The following ATXN1 variants were observed in gnomAD, a reference collection of about 807,000 sequenced individuals.
The protein encoded by ATXN1 is ataxin-1.
In ATXN1, 8 loss-of-function variants were observed where a neutral mutation model predicts 56.4. The observed-to-expected ratio is 0.14, with a 90% CI of 0.08 to 0.26. The LOEUF is 0.26. ATXN1 is among the 10% of genes least tolerant of loss of function. The probability of loss-of-function intolerance (pLI) is 1.00; values close to 1 mark genes in which losing one functional copy is unlikely to be tolerated. For missense variants in ATXN1, 987 were observed against 1,106.5 expected (o/e 0.89, Z 1.53); for synonymous variants, 514 against 494.6 (o/e 1.04, Z -0.52).
chr6:16,308,368 A>ACG lies in ATXN1; in HGVS notation c.1918-1510_1918-1509insCG, dbSNP rs1491275467. 5.7e-4 allele frequency among the ~76,000 whole-genome samples: 80 copies of ACG among 139,710 alleles called. No individual in the cohort carries two copies. In the South Asian group the frequency reaches 0.014, roughly 24 times the overall value. The allele number at this position is 139,710 out of a possible 152,430, so 91.7% of individuals were successfully genotyped here. A position where few individuals can be genotyped will look rare whatever the true frequency, so the allele number is the denominator to read the frequency against. On this transcript the variant is annotated intron_variant, in intron 7 of 7. Transcript: ENST00000436367. Reference sequence around the variant, plus strand: ...CACACACACACACACACACACACACACTTCCTGGGTTGGATCAGGAAAAGA... The same window carrying ACG: ...CACACACACACACACACACACACACACGCTTCCTGGGTTGGATCAGGAAAAGA...
At chr6:16,438,798 A>C (rs945399913) in intron 6 of ATXN1, among the ~76,000 whole-genome samples, 1 of 152,208 alleles carries the variant, frequency 6.6e-6, no homozygotes, top group African/African-American at 2.4e-5. Flanking sequence ...GAAACTCTTA[A>C]AATAACAGAA....
At chr6:16,598,843 G>T (rs1762863981) in intron 3 of ATXN1, among the ~76,000 whole-genome samples, 1 of 152,210 alleles carries the variant, frequency 6.6e-6, no homozygotes, top group Non-Finnish European at 1.5e-5. Flanking sequence ...GTGTTCACTG[G>T]CAAGGCTGCT....
At chr6:16,688,998 ATATG>A (rs1758980098) in intron 2 of ATXN1, among the ~76,000 whole-genome samples, 1 of 151,830 alleles carries the variant, frequency 6.6e-6, no homozygotes, top group Non-Finnish European at 1.5e-5. Flanking sequence ...TATAGTATGA[ATATG>A]TGCGCATATG....
At chr6:16,663,697 C>A (rs1402248897) in intron 2 of ATXN1, among the ~76,000 whole-genome samples, 1 of 151,716 alleles carries the variant, frequency 6.6e-6, no homozygotes, top group African/African-American at 2.4e-5. Context: ...CAGGGTCTTG[C>A]TCTGTCACTT....
intron 6 of ATXN1, among the ~76,000 whole-genome samples, chr6:16,348,754 G>T (rs1305486962): frequency 2.0e-5 from 3 of 152,120 alleles, no homozygotes; most frequent in African/African-American, 7.2e-5. Flanking sequence ...TATGAGAATT[G>T]CATGGGACAA....
chr6:16,597,624 G>A (rs561671523), intron 3 of ATXN1, among the ~76,000 whole-genome samples: 4 of 152,094 alleles, frequency 2.6e-5, no homozygotes, highest in African/African-American at 7.2e-5. Flanking sequence ...ATTTTCAGTC[G>A]AGACGGGGTT....
At chr6:16,488,537 A>C (rs1760595846) in intron 5 of ATXN1, among the ~76,000 whole-genome samples, 1 of 152,198 alleles carries the variant, frequency 6.6e-6, no homozygotes, top group Non-Finnish European at 1.5e-5. Context: ...AGCAGTGGAA[A>C]TGTCATGTTC....
In ATXN1 at chr6:16,437,499, G is replaced by A. The variant is rs183208199; in HGVS notation, c.-161+48473C>T. 2.7e-3 allele frequency among the ~76,000 whole-genome samples: 407 copies of A among 152,350 alleles called. 4 individuals carry two copies. Among genetic ancestry groups the A allele is most frequent in the Admixed American group, 4.6e-3 (71 of 15,312 alleles). ...AAGGAGCTGAGCAAACAGCAAGTCA[G>A]AAGGCAGGGCCATGGTAAGCAGAGG... On this transcript the variant is annotated intron_variant, in intron 6 of 7. Transcript: ENST00000436367.
intron 3 of ATXN1, among the ~76,000 whole-genome samples, chr6:16,605,501 A>T (rs1023532175): frequency 6.6e-6 from 1 of 152,084 alleles, no homozygotes; most frequent in Non-Finnish European, 1.5e-5. Flanking sequence ...GCAGGGACAC[A>T]CTCTCTTCTT....
chr6:16,557,326 CAAAAAAAA>C (rs10551173), intron 4 of ATXN1, among the ~76,000 whole-genome samples: 4 of 87,754 alleles, frequency 4.6e-5, no homozygotes, highest in South Asian at 3.8e-4. Flanking sequence ...AACCCCATTT[CAAAAAAAA>C]AAAAAAAAAA....
intron 6 of ATXN1, among the ~76,000 whole-genome samples, chr6:16,441,483 GTTA>G (rs1759516019): frequency 6.6e-6 from 1 of 152,070 alleles, no homozygotes; most frequent in Non-Finnish European, 1.5e-5. Flanking sequence ...ACAGTGCACA[GTTA>G]TTATAAGAAG....
intron 6 of ATXN1, among the ~76,000 whole-genome samples, chr6:16,360,082 TA>T (rs1246311771): frequency 6.6e-6 from 1 of 151,170 alleles, no homozygotes; most frequent in South Asian, 2.1e-4. Flanking sequence ...AAAATAAAAA[TA>T]AAAAAGACAG....
rs1468611035 is a variant in ATXN1, at chr6:16,506,796, AC to A, written c.-299+15830del. On this transcript the variant is annotated intron_variant, in intron 5 of 7. Transcript: ENST00000436367. This position sits in a 1 kb window ranked among gnomAD's most constrained non-coding sequence, Gnocchi z 4.1. ...GAGGGGAAAACATTTTTTCAGTACT[AC>A]CTTTTACCTAATTCTCTTCTACCCT... Among the ~76,000 whole-genome samples the A allele has an allele frequency of 1.3e-5, 2 of 152,160 alleles. No homozygotes were observed. Among genetic ancestry groups the A allele is most frequent in the Non-Finnish European group, 2.9e-5 (2 of 68,024 alleles).
At chr6:16,494,575 C>T (rs763180519) in intron 5 of ATXN1, among the ~76,000 whole-genome samples, 1 of 152,204 alleles carries the variant, frequency 6.6e-6, no homozygotes, top group Non-Finnish European at 1.5e-5. Flanking sequence ...TTTATTCATA[C>T]AGAGACTGCT....
rs1283942311 is a variant in ATXN1 at position 16,730,483 on chromosome 6, G to GTATATATATATATA, written c.-615+22749_-615+22750insTATATATATATATA. ...CTTTCTGGAGTTAAAGGGTAAAACA[G>GTATATATATATATA]TATGTATATATATATATATATATAA... On this transcript the variant is annotated intron_variant, in intron 2 of 7. Coordinates refer to ENST00000436367, the MANE Select transcript of ATXN1 (RefSeq NM_001128164.2). 6.8e-3 allele frequency among the ~76,000 whole-genome samples: 509 copies of GTATATATATATATA among 74,446 alleles called. 7 individuals are homozygous for GTATATATATATATA. The highest frequency in any genetic ancestry group is 0.015 in the African/African-American group (308 of 21,226). 48.8% of individuals were successfully genotyped at this position (74,446 alleles called of 152,430 possible).
intron 6 of ATXN1, among the ~76,000 whole-genome samples, chr6:16,407,380 T>C (rs552612917): frequency 1.3e-5 from 2 of 152,356 alleles, no homozygotes; most frequent in East Asian, 3.9e-4. Context: ...TAACTGGACA[T>C]TTAAATGGCA....
At chr6:16,701,342 C>T (rs1759279203) in intron 2 of ATXN1, among the ~76,000 whole-genome samples, 1 of 152,158 alleles carries the variant, frequency 6.6e-6, no homozygotes, top group Non-Finnish European at 1.5e-5. Context: ...AGCCATTAAC[C>T]CTTTTGGCCA....
rs761735732 is a variant in ATXN1, at chr6:16,328,193, C to T, written c.118G>A (p.Val40Met). 1.3e-6 allele frequency: 2 copies of T among 1,597,796 alleles called. No individual in the cohort carries two copies. The highest frequency in any genetic ancestry group is 1.7e-6 in the Non-Finnish European group (2 of 1,169,598). ...CCCGGGAGCCATGCTGTGCCCTCCA[C>T]CCGGTGGTTGTCGCTGGGCAGGGTA... Reference protein sequence around the residue: ...APTLPSDNHRVEGTAWLPGNP... With the variant: ...APTLPSDNHRMEGTAWLPGNP... Residue 40 changes from valine (V) to methionine (M), a missense_variant, in exon 7 of 8, where the codon GTG becomes ATG. By Grantham distance (21) the Val-to-Met change is conservative. Around this residue, in one of 3 missense-constraint regions of ATXN1, gnomAD observed 723 missense variants for 791.7 expected, o/e 0.91. Transcript: ENST00000436367. This position sits in a 1 kb window ranked among gnomAD's most constrained non-coding sequence, Gnocchi z 6.2.
intron 5 of ATXN1, among the ~76,000 whole-genome samples, chr6:16,520,606 C>T (rs936340371): frequency 2.0e-5 from 3 of 152,190 alleles, no homozygotes; most frequent in Admixed American, 2.0e-4. Context: ...TAATTGCCCC[C>T]TTCTTTTAGT....
Sources: allele counts gnomAD v4.1 joint callset (sites outside exome capture counted in the v4.1 genomes callset), GRCh38; gene constraint gnomAD v4.1.1; regional missense constraint gnomAD v4.1.1; non-coding constraint Gnocchi (gnomAD v3.1); transcripts MANE v1.5; gene names NCBI Gene and HGNC (gene_info 2026-07-23, HGNC 2026-07-21).